The following SPRYD4 variants were observed in gnomAD, a reference collection of about 807,000 sequenced individuals.
SPRYD4 encodes the protein SPRY domain-containing protein 4.
A neutral mutation model predicts 16.6 loss-of-function variants in SPRYD4; 12 were observed. That is an observed-to-expected ratio of 0.72 (90% confidence interval 0.46 to 1.17). The LOEUF is 1.17. Among genes scored for constraint, SPRYD4 ranks in the 50% most tolerant of loss-of-function variants. The pLI, the probability that SPRYD4 is intolerant of heterozygous loss-of-function variation, is 0.00. For missense variants in SPRYD4, 260 were observed against 260.2 expected, an observed-to-expected ratio of 1.00 and a Z score of 0.00; for synonymous variants, 98 against 105.4, an observed-to-expected ratio of 0.93 and a Z score of 0.43.
Position 56,469,484 on chromosome 12 carries a change from G to A in SPRYD4, c.531G>A (p.Gln177=). Residue 177 remains glutamine, a synonymous_variant, in exon 2 of 2, where the codon CAG becomes CAA. Transcript: ENST00000338146. ...AGGTCTCTGTGGTTCACACGCTACAGACAGATTTCCGGGGTCCAGTGGTGC... is the reference window on the plus strand; with the variant it reads ...AGGTCTCTGTGGTTCACACGCTACAAACAGATTTCCGGGGTCCAGTGGTGC... The part of the protein sequence containing the change: ...VSQVSVVHTL[Q]TDFRGPVVPA... 1 of 1,614,176 alleles carries A rather than the reference G, an allele frequency of 6.2e-7. No homozygotes were observed. The highest frequency in any genetic ancestry group is 8.5e-7 in the Non-Finnish European group (1 of 1,180,022).
In SPRYD4 at chr12:56,471,555, G is replaced by A. The variant is rs115701548; in HGVS notation, c.*1978G>A. The A allele has an allele frequency of 8.9e-5, 143 of 1,614,206 alleles. No homozygotes were observed. In the African/African-American group the frequency reaches 1.7e-3, roughly 19 times the overall value. On this transcript the variant is annotated 3_prime_UTR_variant, in exon 2 of 2. Transcript: ENST00000338146. Reference sequence around the variant, plus strand: ...GCTGCCTCAGCCTGAGTTTCAGAGAGTGTGTAGGAGTCCTGGTAATCTTGA... The same window carrying A: ...GCTGCCTCAGCCTGAGTTTCAGAGAATGTGTAGGAGTCCTGGTAATCTTGA...
Position 56,471,695 on chromosome 12 carries a change from T to G in SPRYD4, c.*2118T>G. The G allele has an allele frequency of 6.2e-7, 1 of 1,612,010 alleles. No individual in the cohort carries two copies. Among genetic ancestry groups the G allele is most frequent in the Non-Finnish European group, 8.5e-7 (1 of 1,178,146 alleles). The stretch of plus-strand genomic sequence containing the variant: ...CAAAGGAGACGTGGAGAGTGGTGGT[T>G]GTATATATTTGCATGGTGGCTGGAG... On this transcript the variant is annotated 3_prime_UTR_variant, in exon 2 of 2. Coordinates refer to ENST00000338146, the MANE Select transcript of SPRYD4 (RefSeq NM_207344.4).
Position 56,474,807 on chromosome 12 carries a change from T to A in SPRYD4, c.*5230T>A. On this transcript the variant is annotated 3_prime_UTR_variant, in exon 2 of 2. Coordinates refer to ENST00000338146, the MANE Select transcript of SPRYD4 (RefSeq NM_207344.4). ...AGGGAAAGGGCAAGGGCAAGGACAG[T>A]CTGTCCTGTTCCCTCGGCCCTGAGC... The A allele has an allele frequency of 6.2e-7, 1 of 1,612,510 alleles. No homozygotes were observed. Among genetic ancestry groups the A allele is most frequent in the Non-Finnish European group, 8.5e-7 (1 of 1,179,312 alleles).
chr12:56,478,059 G>T lies in SPRYD4; in HGVS notation c.*8482G>T. 1.2e-6 allele frequency: 2 copies of T among 1,614,222 alleles called. No individual in the cohort carries two copies. Among genetic ancestry groups the T allele is most frequent in the Non-Finnish European group, 1.7e-6 (2 of 1,180,024 alleles). On this transcript the variant is annotated 3_prime_UTR_variant, in exon 2 of 2. Transcript: ENST00000338146. Reference sequence around the variant, plus strand: ...TAGGTGAGGGGCTTCACACAGGACTGCAGGCAGAAGGGGATCTTTGTGTGG... The same window carrying T: ...TAGGTGAGGGGCTTCACACAGGACTTCAGGCAGAAGGGGATCTTTGTGTGG...
At chr12:56,468,985 C>T (rs1457504618) in intron 1 of SPRYD4, 54 bp from the exon 2 acceptor site, 3 of 1,508,850 alleles carry the variant, frequency 2.0e-6, no homozygotes, top group East Asian at 4.6e-5. Context: ...AATATATCAC[C>T]AGCCCTAGGG....
Position 56,474,615 on chromosome 12 carries a change from C to T in SPRYD4, c.*5038C>T, listed in dbSNP as rs1183385555. 1.2e-6 allele frequency: 2 copies of T among 1,614,206 alleles called. No individual in the cohort carries two copies. On this transcript the variant is annotated 3_prime_UTR_variant, in exon 2 of 2. Transcript: ENST00000338146. ...ATGAGGCTGAGGGTGTTGCGCACTGCTTCAGCACTCAGCACACTCTCGCCT... is the reference window on the plus strand; with the variant it reads ...ATGAGGCTGAGGGTGTTGCGCACTGTTTCAGCACTCAGCACACTCTCGCCT...
rs1592276693 is a variant in SPRYD4, at chr12:56,476,644, A to C, written c.*7067A>C. The C allele has an allele frequency of 1.5e-5, 2 of 135,076 alleles. No homozygotes were observed. The allele number at this position is 135,076 out of a possible 1,614,324, so 8.4% of individuals were successfully genotyped here. On this transcript the variant is annotated 3_prime_UTR_variant, in exon 2 of 2. Coordinates refer to ENST00000338146, the MANE Select transcript of SPRYD4 (RefSeq NM_207344.4). ...AGTCTTGCTCTGTCGCCCAGGCTGG[A>C]GTGCAGTGGCAGGATCTCGGCTCAA...
chr12:56,473,784 A>G lies in SPRYD4; in HGVS notation c.*4207A>G. On this transcript the variant is annotated 3_prime_UTR_variant, in exon 2 of 2. Coordinates refer to ENST00000338146, the MANE Select transcript of SPRYD4 (RefSeq NM_207344.4). ...TTCCCTTAAATTCATTGATTCAGCTAGAAAATATTTTTTGAAATACTTACA... is the reference window on the plus strand; with the variant it reads ...TTCCCTTAAATTCATTGATTCAGCTGGAAAATATTTTTTGAAATACTTACA... 1 of 658,834 alleles carries G rather than the reference A, an allele frequency of 1.5e-6. No individual in the cohort carries two copies. The highest frequency in any genetic ancestry group is 4.3e-4 in the Middle Eastern group (1 of 2,336). 40.8% of individuals were successfully genotyped at this position (658,834 alleles called of 1,614,324 possible).
In SPRYD4 at chr12:56,476,077, G is replaced by A; in HGVS notation, c.*6500G>A. The A allele has an allele frequency of 1.7e-6, 2 of 1,162,450 alleles. No individual in the cohort carries two copies. Among genetic ancestry groups the A allele is most frequent in the Non-Finnish European group, 2.5e-6 (2 of 790,972 alleles). The allele number at this position is 1,162,450 out of a possible 1,614,324, so 72.0% of individuals were successfully genotyped here. A position where few individuals can be genotyped will look rare whatever the true frequency, so the allele number is the denominator to read the frequency against. On this transcript the variant is annotated 3_prime_UTR_variant, in exon 2 of 2. Coordinates refer to ENST00000338146, the MANE Select transcript of SPRYD4 (RefSeq NM_207344.4). ...GGAGTTCTAGTGTTAGTCTGGTCCT[G>A]CTGCTGCAAATGTGTTCAATTTTAT...
chr12:56,472,769 C>T lies in SPRYD4; in HGVS notation c.*3192C>T, dbSNP rs1412505061. 3 of 1,612,692 alleles carry T rather than the reference C, an allele frequency of 1.9e-6. No homozygotes were observed. The highest frequency in any genetic ancestry group is 2.5e-6 in the Non-Finnish European group (3 of 1,178,928). The stretch of plus-strand genomic sequence containing the variant: ...GTCTTGTTCTGGAACACAAATCATA[C>T]CCACATGACATTAATTGAACTCACC... On this transcript the variant is annotated 3_prime_UTR_variant, in exon 2 of 2. Transcript: ENST00000338146.
rs184061028 is a variant in SPRYD4 at position 56,476,816 on chromosome 12, G to C, written c.*7239G>C. ...TCACCGTGCTAGCCAGGATGGTCTCGATCTCCTGACCTCGTGATTTGCCCA... is the reference window on the plus strand; with the variant it reads ...TCACCGTGCTAGCCAGGATGGTCTCCATCTCCTGACCTCGTGATTTGCCCA... On this transcript the variant is annotated 3_prime_UTR_variant, in exon 2 of 2. Transcript: ENST00000338146. 31 of 152,248 alleles carry C rather than the reference G, an allele frequency of 2.0e-4. No individual in the cohort carries two copies. In the East Asian group the frequency reaches 4.5e-3, roughly 22 times the overall value. 9.4% of individuals were successfully genotyped at this position (152,248 alleles called of 1,614,324 possible).
chr12:56,469,642 CT>C lies in SPRYD4; in HGVS notation c.*70del. The stretch of plus-strand genomic sequence containing the variant: ...GCCTCCTTTTGAAAGTGTCCGAAGC[CT>C]TTTTACTTTGCCTCAAGCAACCTCT... On this transcript the variant is annotated 3_prime_UTR_variant, in exon 2 of 2. Coordinates refer to ENST00000338146, the MANE Select transcript of SPRYD4 (RefSeq NM_207344.4). 6.7e-7 allele frequency: 1 copy of C among 1,486,040 alleles called. No homozygotes were observed. Among genetic ancestry groups the C allele is most frequent in the Non-Finnish European group, 9.0e-7 (1 of 1,114,658 alleles). 92.1% of individuals were successfully genotyped at this position (1,486,040 alleles called of 1,614,324 possible). A position where few individuals can be genotyped will look rare whatever the true frequency, so the allele number is the denominator to read the frequency against.
rs1443577925 is a variant in SPRYD4, at chr12:56,471,927, G to A, written c.*2350G>A. On this transcript the variant is annotated 3_prime_UTR_variant, in exon 2 of 2. Coordinates refer to ENST00000338146, the MANE Select transcript of SPRYD4 (RefSeq NM_207344.4). ...GCCACTGAAGTCTTTACCAAGAGGG[G>A]AGGGGAAAAGGCCTCTTCCCATTTT... 1 of 1,394,300 alleles carries A rather than the reference G, an allele frequency of 7.2e-7. No individual in the cohort carries two copies. The highest frequency in any genetic ancestry group is 1.0e-6 in the Non-Finnish European group (1 of 983,164). The allele number at this position is 1,394,300 out of a possible 1,614,324, so 86.4% of individuals were successfully genotyped here.
In SPRYD4 at chr12:56,475,011, C is replaced by G. The variant is rs1160370280; in HGVS notation, c.*5434C>G. On this transcript the variant is annotated 3_prime_UTR_variant, in exon 2 of 2. Transcript: ENST00000338146. ...GCCCTTCCACTAGCAGCAGAATTCC[C>G]AGGGACTTTCTCTTCCGGCCTCTTC... 6.2e-7 allele frequency: 1 copy of G among 1,613,992 alleles called. No individual in the cohort carries two copies.
Position 56,473,311 on chromosome 12 carries a change from A to G in SPRYD4, c.*3734A>G. ...TCATAGTTGTGGAAATTGAAGAGAG[A>G]CACCAACTTCTAGAATTGTAAGCCA... is the stretch of plus-strand genomic sequence containing the variant. On this transcript the variant is annotated 3_prime_UTR_variant, in exon 2 of 2. Transcript: ENST00000338146. 5.0e-6 allele frequency: 8 copies of G among 1,614,148 alleles called. No individual in the cohort carries two copies. The highest frequency in any genetic ancestry group is 6.8e-6 in the Non-Finnish European group (8 of 1,180,026).
At position 56,476,922 on chromosome 12, in the gene SPRYD4, A is replaced by C. The variant is rs1869879837; in HGVS notation, c.*7345A>C. ...ATATTTTTTAAAAAAGGTCCTACTT[A>C]GATGGGAATGGGATGAGGCAGGTCC... On this transcript the variant is annotated 3_prime_UTR_variant, in exon 2 of 2. Transcript: ENST00000338146. 6.6e-6 allele frequency: 1 copy of C among 152,176 alleles called. No homozygotes were observed. The highest frequency in any genetic ancestry group is 2.4e-5 in the African/African-American group (1 of 41,422). 9.4% of individuals were successfully genotyped at this position (152,176 alleles called of 1,614,324 possible). A position where few individuals can be genotyped will look rare whatever the true frequency, so the allele number is the denominator to read the frequency against.
rs1869153473 is a variant in SPRYD4, at chr12:56,469,621, C to T, written c.*44C>T. On this transcript the variant is annotated 3_prime_UTR_variant, in exon 2 of 2. Transcript: ENST00000338146. Reference sequence around the variant, plus strand: ...CCCTAATCACGCCTTTGGCCAGCCTCCTTTTGAAAGTGTCCGAAGCCTTTT... The same window carrying T: ...CCCTAATCACGCCTTTGGCCAGCCTTCTTTTGAAAGTGTCCGAAGCCTTTT... 5.1e-6 allele frequency: 8 copies of T among 1,555,262 alleles called. No homozygotes were observed. Among genetic ancestry groups the T allele is most frequent in the Non-Finnish European group, 7.0e-6 (8 of 1,150,334 alleles).
At position 56,474,634 on chromosome 12, in the gene SPRYD4, C is replaced by A. The variant is rs759213604; in HGVS notation, c.*5057C>A. 1 of 1,614,190 alleles carries A rather than the reference C, an allele frequency of 6.2e-7. No individual in the cohort carries two copies. ...GCACTGCTTCAGCACTCAGCACACTCTCGCCTGTGATGGGGCAGATCCCAC... is the reference window on the plus strand; with the variant it reads ...GCACTGCTTCAGCACTCAGCACACTATCGCCTGTGATGGGGCAGATCCCAC... On this transcript the variant is annotated 3_prime_UTR_variant, in exon 2 of 2. Transcript: ENST00000338146.
rs1869643248 is a variant in SPRYD4 at position 56,474,747 on chromosome 12, TGTGAC to T, written c.*5175_*5179del. ...TATGAAAACAAAGAATAGGTGAAGA[TGTGAC>T]GTGAACCTGCACATGGGACCCTCGG... On this transcript the variant is annotated 3_prime_UTR_variant, in exon 2 of 2. Transcript: ENST00000338146. 1 of 1,609,766 alleles carries T rather than the reference TGTGAC, an allele frequency of 6.2e-7. No individual in the cohort carries two copies. Among genetic ancestry groups the T allele is most frequent in the African/African-American group, 1.3e-5 (1 of 74,864 alleles).
Sources: gnomAD v4.1 joint callset for allele counts on GRCh38, gnomAD v4.1.1 for gene constraint, MANE v1.5 for transcripts, NCBI Gene and HGNC (gene_info 2026-07-23, HGNC 2026-07-21) for gene names.